HAT1: variants seen among roughly 807,000 people sequenced by gnomAD.
HAT1 encodes histone acetyltransferase 1.
A neutral mutation model predicts 56.6 loss-of-function variants in HAT1; 20 were observed. The ratio of observed to expected loss-of-function variants is 0.35; its 90% CI spans 0.25 to 0.51. The LOEUF is 0.51. Among genes scored for constraint, HAT1 ranks in the 20% least tolerant of loss-of-function variants. The probability of loss-of-function intolerance (pLI) is 0.95; values close to 1 mark genes in which losing one functional copy is unlikely to be tolerated. For synonymous variants in HAT1, 146 were observed against 165.5 expected, an observed-to-expected ratio of 0.88 and a Z score of 0.91; for missense variants, 408 against 504.3, an observed-to-expected ratio of 0.81 and a Z score of 1.83.
At chr2:171,922,903 G>C (rs1222182354) in intron 1 of HAT1, 1 of 198,956 alleles carries the variant, frequency 5.0e-6, no homozygotes, top group Non-Finnish European at 1.0e-5. Context: ...TTAATGCTCA[G>C]ATCCTCCTCC....
At chr2:171,962,071 T>A (rs1687589451) in intron 4 of HAT1, among the ~76,000 whole-genome samples, 1 of 151,974 alleles carries the variant, frequency 6.6e-6, no homozygotes, top group Admixed American at 6.6e-5. Context: ...GTTAGAGAGG[T>A]TATTGGGTTT....
rs71013091 is a variant in HAT1, at chr2:171,934,754, G to GTTT, written c.112+9129_112+9131dup. Among the ~76,000 whole-genome samples, 49 of 128,384 alleles carry GTTT rather than the reference G, an allele frequency of 3.8e-4. 1 individual carries two copies. The highest frequency in any genetic ancestry group is 3.7e-3 in the East Asian group (15 of 4,004). 84.2% of individuals were successfully genotyped at this position (128,384 alleles called of 152,430 possible). On this transcript the variant is annotated intron_variant, in intron 2 of 10. Coordinates refer to ENST00000264108, the MANE Select transcript of HAT1 (RefSeq NM_003642.4). Reference sequence around the variant, plus strand: ...ATATAGTTAAATTTAACTAGAGTGGGTTTTTTTTTTTTTTTTTTGAGACAG... The same window carrying GTTT: ...ATATAGTTAAATTTAACTAGAGTGGGTTTTTTTTTTTTTTTTTTTTTGAGACAG...
At chr2:171,977,376 C>T (rs1380554311) in intron 9 of HAT1, among the ~76,000 whole-genome samples, 8 of 135,138 alleles carry the variant, frequency 5.9e-5, no homozygotes, top group African/African-American at 1.9e-4. Flanking sequence ...GCAGAAGAAT[C>T]GCTTAAACCT....
intron 2 of HAT1, among the ~76,000 whole-genome samples, chr2:171,943,431 A>AAG (rs1687078343): frequency 6.7e-6 from 1 of 148,962 alleles, no homozygotes; most frequent in African/African-American, 2.4e-5. Flanking sequence ...AAAAAAAAAA[A>AAG]AAAAGGAAAC....
intron 3 of HAT1, among the ~76,000 whole-genome samples, chr2:171,952,141 A>G (rs1453978264): frequency 6.6e-6 from 1 of 152,200 alleles, no homozygotes; most frequent in African/African-American, 2.4e-5. Context: ...AAACACAGTC[A>G]ATTTTGGAAC....
At chr2:171,980,616 G>A (rs1432026856) in intron 10 of HAT1, 1 of 152,196 alleles carries the variant, frequency 6.6e-6, no homozygotes, top group East Asian at 1.9e-4. Flanking sequence ...AGCACTTTGG[G>A]AGGCCGAGGT....
intron 3 of HAT1, among the ~76,000 whole-genome samples, chr2:171,947,828 G>A (rs967809367): frequency 2.0e-5 from 3 of 152,138 alleles, no homozygotes; most frequent in Non-Finnish European, 4.4e-5. Context: ...GCAGTGAGCC[G>A]AGATCATGCC....
In HAT1 at chr2:171,926,149, ACT is replaced by A. The variant is rs531343884; in HGVS notation, c.112+511_112+512del. On this transcript the variant is annotated intron_variant, in intron 2 of 10. Coordinates refer to ENST00000264108, the MANE Select transcript of HAT1 (RefSeq NM_003642.4). The stretch of plus-strand genomic sequence containing the variant: ...TTTTTAAAGAGACAAGGAAGGTCTC[ACT>A]CTATCACCCAGGCTGTAGTGCCACG... 9.4e-5 allele frequency among the ~76,000 whole-genome samples: 14 copies of A among 149,592 alleles called. No individual in the cohort carries two copies. In the East Asian group the frequency reaches 2.6e-3, roughly 27 times the overall value.
chr2:171,957,213 G>A (rs1234508726), intron 4 of HAT1, among the ~76,000 whole-genome samples: 2 of 152,240 alleles, frequency 1.3e-5, no homozygotes, highest in African/African-American at 4.8e-5. Flanking sequence ...CTGCCAACAT[G>A]TGCTACCTTT....
intron 4 of HAT1, among the ~76,000 whole-genome samples, chr2:171,963,708 A>G (rs1189929835): frequency 6.6e-6 from 1 of 152,190 alleles, no homozygotes; most frequent in Non-Finnish European, 1.5e-5. Flanking sequence ...CACATCTATT[A>G]CAGCTATCCC....
intron 9 of HAT1, 141 bp downstream of exon 9, chr2:171,976,449 A>C (rs542835401): frequency 4.5e-4 from 176 of 393,540 alleles, no homozygotes; most frequent in Non-Finnish European, 7.0e-4. Context: ...TTTGAAGCCA[A>C]ATTGCCTGAG....
chr2:171,967,525 ACGACTTACT>A (rs565489325), intron 8 of HAT1, among the ~76,000 whole-genome samples: 46 of 152,226 alleles, frequency 3.0e-4, no homozygotes, highest in Admixed American at 6.5e-4. Context: ...AGAAGGAAAG[ACGACTTACT>A]CGACTTACTC....
At chr2:171,934,193 G>C (rs1285532014) in intron 2 of HAT1, among the ~76,000 whole-genome samples, 1 of 152,102 alleles carries the variant, frequency 6.6e-6, no homozygotes, top group African/African-American at 2.4e-5. Context: ...TATTAATATA[G>C]AAATGAGAAT....
intron 4 of HAT1, chr2:171,964,823 C>T (rs1010119715): frequency 6.8e-6 from 1 of 146,834 alleles, no homozygotes; most frequent in Admixed American, 6.9e-5. Context: ...TATGTTATTT[C>T]CTAAATATGT....
intron 2 of HAT1, among the ~76,000 whole-genome samples, chr2:171,935,057 A>G (rs1686837778): frequency 6.6e-6 from 1 of 151,042 alleles, no homozygotes; most frequent in Admixed American, 6.6e-5. Context: ...CGCCTGGCCT[A>G]GAGTGGTTTT....
At chr2:171,945,120 C>T (rs1574045103) in intron 2 of HAT1, among the ~76,000 whole-genome samples, 1 of 152,136 alleles carries the variant, frequency 6.6e-6, no homozygotes, top group Non-Finnish European at 1.5e-5. Context: ...ATCTGCCTGC[C>T]TCAGCCTCCC....
chr2:171,939,198 A>G (rs919299780), intron 2 of HAT1, among the ~76,000 whole-genome samples: 19 of 151,956 alleles, frequency 1.3e-4, no homozygotes, highest in African/African-American at 3.6e-4. Flanking sequence ...TAATGCTCAA[A>G]CTCTTTTGAA....
chr2:171,928,077 G>A (rs1398795212), intron 2 of HAT1, among the ~76,000 whole-genome samples: 2 of 151,936 alleles, frequency 1.3e-5, no homozygotes, highest in Non-Finnish European at 2.9e-5. Context: ...AGTAGAGACG[G>A]TTTCATCATG....
At chr2:171,933,476 C>T (rs1424840541) in intron 2 of HAT1, among the ~76,000 whole-genome samples, 8 of 150,750 alleles carry the variant, frequency 5.3e-5, no homozygotes, top group Admixed American at 2.6e-4. Flanking sequence ...TGCAGTGAGC[C>T]AAGATCGCAT....
Sources: gnomAD v4.1 joint callset for allele counts (sites outside exome capture counted in the v4.1 genomes callset) on GRCh38, gnomAD v4.1.1 for gene constraint, MANE v1.5 for transcripts, NCBI Gene and HGNC (gene_info 2026-07-23, HGNC 2026-07-21) for gene names.